Variants in EVL observed in about 807,000 individuals in gnomAD.
The protein encoded by EVL is ena/VASP-like protein.
In EVL, 21 loss-of-function variants were observed where a neutral mutation model predicts 59.6. The ratio of observed to expected loss-of-function variants is 0.35; its 90% CI spans 0.25 to 0.51. EVL has a LOEUF of 0.51. Ranked by LOEUF, EVL falls within the 20% of genes least tolerant of loss-of-function variation. The pLI is 0.97. For missense variants in EVL, 462 were observed against 546.6 expected, an observed-to-expected ratio of 0.85 and a Z score of 1.54; for synonymous variants, 198 against 203.5, an observed-to-expected ratio of 0.97 and a Z score of 0.23.
In EVL at chr14:100,129,595, T is replaced by G. The variant is rs553991967; in HGVS notation, c.750T>G (p.Ser250Arg). The change falls in exon 7 of 14, where the codon AGT becomes AGG. Residue 250 changes from serine to arginine, a missense_variant. Transcript: ENST00000392920. ...PEDASGGSSP[S>R]GTSKSDANRA... Reference sequence around the variant, plus strand: ...ACGCATCTGGAGGCTCCAGTCCCAGTGGGACCTCAAAGTCCGATGCCAACC... The same window carrying G: ...ACGCATCTGGAGGCTCCAGTCCCAGGGGGACCTCAAAGTCCGATGCCAACC... The G allele has an allele frequency of 3.1e-6, 5 of 1,613,586 alleles. No homozygotes were observed. In the African/African-American group the frequency reaches 6.7e-5, roughly 22 times the overall value.
intron 1 of EVL, among the ~76,000 whole-genome samples, chr14:99,989,735 C>T (rs1265182224): frequency 6.6e-6 from 1 of 152,180 alleles, no homozygotes; most frequent in Non-Finnish European, 1.5e-5. Context: ...GTGGAAAGTT[C>T]TAATAGACAG....
chr14:100,072,134 T>G (rs1165921117), intron 1 of EVL, among the ~76,000 whole-genome samples: 1 of 152,128 alleles, frequency 6.6e-6, no homozygotes, highest in Non-Finnish European at 1.5e-5. Flanking sequence ...TAGCTTAGCT[T>G]GAAAGGGAGT....
intron 1 of EVL, among the ~76,000 whole-genome samples, chr14:100,021,459 T>C (rs1342659020): frequency 1.3e-5 from 2 of 152,186 alleles, no homozygotes; most frequent in Admixed American, 1.3e-4. Flanking sequence ...GACTGCTGCA[T>C]GGTGTCAGAC....
chr14:100,011,007 T>A (rs891062445), intron 1 of EVL, among the ~76,000 whole-genome samples: 1 of 152,226 alleles, frequency 6.6e-6, no homozygotes, highest in Non-Finnish European at 1.5e-5. Context: ...TGATTTGTCC[T>A]AAGAAAACTA....
intron 1 of EVL, among the ~76,000 whole-genome samples, chr14:100,043,936 G>A (rs2061508417): frequency 6.6e-6 from 1 of 152,054 alleles, no homozygotes; most frequent in African/African-American, 2.4e-5. Flanking sequence ...ATATACAAGG[G>A]AGGACTTATT....
intron 2 of EVL, among the ~76,000 whole-genome samples, chr14:100,094,240 G>A (rs1885648139): frequency 6.6e-6 from 1 of 152,186 alleles, no homozygotes; most frequent in Non-Finnish European, 1.5e-5. Flanking sequence ...TGTAAAAAGA[G>A]CGGATTGAGT....
rs117144497 is a variant in EVL at position 100,127,514 on chromosome 14, G to A, written c.487+743G>A. 2.6e-3 allele frequency among the ~76,000 whole-genome samples: 401 copies of A among 152,206 alleles called. No homozygotes were observed. The highest frequency in any genetic ancestry group is 4.6e-3 in the Non-Finnish European group (313 of 68,014). ...AGCTGCTGCTGGCCTCCTGCTCCCC[G>A]GCCAGTCTGCATTTCTGATGCAGGT... is the stretch of plus-strand genomic sequence containing the variant. On this transcript the variant is annotated intron_variant, in intron 5 of 13. Transcript: ENST00000392920. This position sits in a 1 kb window ranked among gnomAD's most constrained non-coding sequence, Gnocchi z 4.2.
chr14:100,062,367 T>C (rs2061851351), upstream of EVL, among the ~76,000 whole-genome samples: 1 of 151,858 alleles, frequency 6.6e-6, no homozygotes, highest in South Asian at 2.1e-4. Context: ...AGTGGTACAA[T>C]ATTAACTCTA....
intron 3 of EVL, among the ~76,000 whole-genome samples, chr14:100,102,131 C>A (rs1053050431): frequency 6.6e-6 from 1 of 152,318 alleles, no homozygotes; most frequent in Middle Eastern, 3.4e-3. Context: ...GTCACCATGC[C>A]CGGTCTGACT....
chr14:99,981,459 AAT>A (rs1389560840), intron 1 of EVL, among the ~76,000 whole-genome samples: 1 of 152,136 alleles, frequency 6.6e-6, no homozygotes, highest in African/African-American at 2.4e-5. Flanking sequence ...GAAAAGTAAC[AAT>A]TATATATATA....
intron 3 of EVL, among the ~76,000 whole-genome samples, chr14:100,103,560 T>C (rs1011957602): frequency 2.0e-5 from 3 of 152,196 alleles, no homozygotes; most frequent in African/African-American, 4.8e-5. Context: ...GCTCATGTAC[T>C]GATCTTTCCT....
intron 4 of EVL, among the ~76,000 whole-genome samples, chr14:100,126,438 G>A (rs1412899979): frequency 6.6e-6 from 1 of 152,196 alleles, no homozygotes; most frequent in East Asian, 1.9e-4. Context: ...GTCACTCTGG[G>A]GAGTGGAATC....
intron 1 of EVL, among the ~76,000 whole-genome samples, chr14:99,986,908 G>A (rs1379350010): frequency 6.6e-6 from 1 of 152,164 alleles, no homozygotes; most frequent in Non-Finnish European, 1.5e-5. Flanking sequence ...TCAACTTAAA[G>A]TAGATTGTAA....
intron 4 of EVL, among the ~76,000 whole-genome samples, chr14:100,125,169 TACACACACACACAC>T (rs34405834): frequency 1.9e-5 from 2 of 103,118 alleles, no homozygotes; most frequent in African/African-American, 9.3e-5. Flanking sequence ...AAGGCAGGAA[TACACACACACACAC>T]ACACACACAC....
intron 1 of EVL, among the ~76,000 whole-genome samples, chr14:100,080,954 A>G (rs1310116004): frequency 6.6e-6 from 1 of 152,230 alleles, no homozygotes; most frequent in Non-Finnish European, 1.5e-5. Context: ...TCAATAAATA[A>G]TTTAAGAAAA....
At chr14:100,118,468 C>G (rs117696874) in intron 3 of EVL, among the ~76,000 whole-genome samples, 1 of 152,170 alleles carries the variant, frequency 6.6e-6, no homozygotes. Flanking sequence ...CTTGGAGCAG[C>G]CTGTGAAGGG....
chr14:100,095,035 C>T (rs928797632), intron 2 of EVL, among the ~76,000 whole-genome samples: 6 of 152,036 alleles, frequency 3.9e-5, no homozygotes, highest in Non-Finnish European at 8.8e-5. Flanking sequence ...AGCGAGACTC[C>T]GTCTAAAAAA....
chr14:100,034,145 A>G (rs1234024210), intron 1 of EVL, among the ~76,000 whole-genome samples: 1 of 151,610 alleles, frequency 6.6e-6, no homozygotes, highest in African/African-American at 2.4e-5. Flanking sequence ...CCGAGGCATG[A>G]GAATTGCTTG....
chr14:100,053,909 A>G (rs527697473), intron 1 of EVL, among the ~76,000 whole-genome samples: 2 of 151,954 alleles, frequency 1.3e-5, no homozygotes, highest in African/African-American at 4.8e-5. Flanking sequence ...AGCCTCCCAA[A>G]GTGTTGAGAA....
Sources: allele counts gnomAD v4.1 joint callset (sites outside exome capture counted in the v4.1 genomes callset), GRCh38; gene constraint gnomAD v4.1.1; non-coding constraint Gnocchi (gnomAD v3.1); transcripts MANE v1.5; gene names NCBI Gene and HGNC (gene_info 2026-07-23, HGNC 2026-07-21).